The following ELOVL6 variants were observed in gnomAD, a reference collection of about 807,000 sequenced individuals.
ELOVL6 encodes the protein ELOVL fatty acid elongase 6.
In ELOVL6, 8 loss-of-function variants were observed where a neutral mutation model predicts 31.7. The observed-to-expected ratio is 0.25, with a 90% CI of 0.15 to 0.45. ELOVL6 has a LOEUF of 0.45. Among genes scored for constraint, ELOVL6 ranks in the 20% least tolerant of loss-of-function variants. ELOVL6 has a pLI of 1.00. For missense variants in ELOVL6, 126 were observed against 326.4 expected (o/e 0.39, Z 4.73); for synonymous variants, 101 against 117.7 (o/e 0.86, Z 0.92).
intron 1 of ELOVL6, among the ~76,000 whole-genome samples, chr4:110,127,419 A>AAAAAAAG (rs1476648160): frequency 6.7e-6 from 1 of 150,104 alleles, no homozygotes; most frequent in Non-Finnish European, 1.5e-5. Flanking sequence ...AAAAAAAAAA[A>AAAAAAAG]AAAAAAGAAA....
intron 2 of ELOVL6, among the ~76,000 whole-genome samples, chr4:110,097,358 T>C (rs1310444403): frequency 1.3e-5 from 2 of 148,626 alleles, no homozygotes; most frequent in Non-Finnish European, 3.0e-5. Context: ...CCTTTCAGAC[T>C]AGACATTGTT....
intron 2 of ELOVL6, among the ~76,000 whole-genome samples, chr4:110,063,594 A>G (rs1017999311): frequency 1.3e-5 from 2 of 152,166 alleles, no homozygotes; most frequent in African/African-American, 4.8e-5. Flanking sequence ...TGGTATAGAA[A>G]AGCTTCTGTT....
At chr4:110,073,224 TGATA>T (rs1342689313) in intron 2 of ELOVL6, among the ~76,000 whole-genome samples, 2 of 152,182 alleles carry the variant, frequency 1.3e-5, no homozygotes, top group East Asian at 3.8e-4. Context: ...CTCATAGGGC[TGATA>T]GCGGGCACAC....
At chr4:110,132,690 A>G (rs1388975957) in intron 1 of ELOVL6, among the ~76,000 whole-genome samples, 1 of 152,100 alleles carries the variant, frequency 6.6e-6, no homozygotes, top group Non-Finnish European at 1.5e-5. Context: ...ACAAAAAAAA[A>G]TTAGCTGAGT....
chr4:110,156,003 C>G (rs1182267080), intron 1 of ELOVL6, among the ~76,000 whole-genome samples: 3 of 152,216 alleles, frequency 2.0e-5, no homozygotes, highest in Non-Finnish European at 2.9e-5. Context: ...GCAAACTTCT[C>G]TCAGGAATAG....
chr4:110,084,069 A>ATGC lies in ELOVL6; in HGVS notation c.221+21427_221+21428insGCA, dbSNP rs1756022861. ...ACATGCTATATATGATATATAACAT[A>ATGC]TATATGCTATATATGATATATAACA... On this transcript the variant is annotated intron_variant, in intron 2 of 3. Transcript: ENST00000302274. Among the ~76,000 whole-genome samples, 3 of 72,048 alleles carry ATGC rather than the reference A, an allele frequency of 4.2e-5. 1 individual carries two copies. Among genetic ancestry groups the ATGC allele is most frequent in the Non-Finnish European group, 6.3e-5 (2 of 31,500 alleles). The allele number at this position is 72,048 out of a possible 152,430, so 47.3% of individuals were successfully genotyped here. A position where few individuals can be genotyped will look rare whatever the true frequency, so the allele number is the denominator to read the frequency against.
At chr4:110,076,949 G>A (rs894998434) in intron 2 of ELOVL6, among the ~76,000 whole-genome samples, 29 of 152,230 alleles carry the variant, frequency 1.9e-4, no homozygotes, top group African/African-American at 6.8e-4. Flanking sequence ...TCCCGTGACT[G>A]GCTCGGAGGG....
At chr4:110,149,494 G>A (rs950591637) in intron 1 of ELOVL6, among the ~76,000 whole-genome samples, 4 of 152,120 alleles carry the variant, frequency 2.6e-5, no homozygotes, top group Admixed American at 2.0e-4. Context: ...GTATAGAACC[G>A]GAGGCCATTA....
At chr4:110,142,585 A>G (rs1757994969) in intron 1 of ELOVL6, among the ~76,000 whole-genome samples, 1 of 152,222 alleles carries the variant, frequency 6.6e-6, no homozygotes, top group Non-Finnish European at 1.5e-5. Flanking sequence ...TTAATGGAAT[A>G]ACCAGGAAGT....
intron 1 of ELOVL6, among the ~76,000 whole-genome samples, chr4:110,108,418 C>A (rs764829765): frequency 1.3e-5 from 2 of 152,116 alleles, no homozygotes; most frequent in Non-Finnish European, 2.9e-5. Context: ...ATTTTTTCTC[C>A]AATTTCCTAA....
At chr4:110,130,863 G>C (rs903911228) in intron 1 of ELOVL6, among the ~76,000 whole-genome samples, 1 of 152,148 alleles carries the variant, frequency 6.6e-6, no homozygotes, top group Non-Finnish European at 1.5e-5. Context: ...TTATATCTGT[G>C]CATGGGTCTG....
At chr4:110,152,689 G>T (rs1395049520) in intron 1 of ELOVL6, among the ~76,000 whole-genome samples, 3 of 152,180 alleles carry the variant, frequency 2.0e-5, no homozygotes, top group Non-Finnish European at 4.4e-5. Flanking sequence ...GCTCTGCAGT[G>T]ATGCTGCTGG....
chr4:110,078,479 C>A (rs1312117261), intron 2 of ELOVL6, among the ~76,000 whole-genome samples: 1 of 152,098 alleles, frequency 6.6e-6, no homozygotes, highest in South Asian at 2.1e-4. Flanking sequence ...ATTTCATATC[C>A]AGCCAAACTA....
At chr4:110,080,975 G>A (rs1426083455) in intron 2 of ELOVL6, among the ~76,000 whole-genome samples, 1 of 152,062 alleles carries the variant, frequency 6.6e-6, no homozygotes, top group Non-Finnish European at 1.5e-5. Context: ...CAAATCATGA[G>A]TGAACTCCCA....
At chr4:110,149,142 G>A (rs1222413192) in intron 1 of ELOVL6, among the ~76,000 whole-genome samples, 1 of 152,216 alleles carries the variant, frequency 6.6e-6, no homozygotes, top group Non-Finnish European at 1.5e-5. Context: ...GATTACAGGT[G>A]TGAGCCACCG....
chr4:110,088,050 A>C (rs1756319869), intron 2 of ELOVL6, among the ~76,000 whole-genome samples: 1 of 152,212 alleles, frequency 6.6e-6, no homozygotes, highest in African/African-American at 2.4e-5. Flanking sequence ...ATAGAACATC[A>C]AAGGATTTTT....
intron 1 of ELOVL6, among the ~76,000 whole-genome samples, chr4:110,130,138 C>T (rs548205689): frequency 3.3e-5 from 5 of 152,036 alleles, no homozygotes; most frequent in South Asian, 2.1e-4. Context: ...CCTCGTGACC[C>T]GCCCACCTCG....
chr4:110,176,861 G>A (rs543829127), intron 1 of ELOVL6, among the ~76,000 whole-genome samples: 5 of 152,230 alleles, frequency 3.3e-5, no homozygotes, highest in African/African-American at 4.8e-5. Context: ...TCAGCCTCCC[G>A]AGTAGCTGGG....
intron 1 of ELOVL6, among the ~76,000 whole-genome samples, chr4:110,113,172 G>A (rs1578489844): frequency 6.7e-6 from 1 of 149,642 alleles, no homozygotes; most frequent in South Asian, 2.1e-4. Context: ...AGGCTGCAGC[G>A]AGCCAGGATT....
Sources: gnomAD v4.1 joint callset for allele counts (sites outside exome capture counted in the v4.1 genomes callset) on GRCh38, gnomAD v4.1.1 for gene constraint, MANE v1.5 for transcripts, NCBI Gene and HGNC (gene_info 2026-07-23, HGNC 2026-07-21) for gene names.